Variants in SEMA6A observed in about 807,000 individuals in gnomAD.
SEMA6A encodes semaphorin-6A.
SEMA6A carries 25 observed loss-of-function variants against 96.8 expected under a neutral mutation model. The observed-to-expected ratio is 0.26, with a 90% CI of 0.19 to 0.36. The LOEUF (loss-of-function observed/expected upper bound fraction) is 0.36. Among genes scored for constraint, SEMA6A ranks in the 10% least tolerant of loss-of-function variants. The pLI is 1.00. For missense variants in SEMA6A, 1,363 were observed against 1,323.1 expected (o/e 1.03, Z -0.47); for synonymous variants, 612 against 518.0 (o/e 1.18, Z -2.46).
intron 1 of SEMA6A, among the ~76,000 whole-genome samples, chr5:116,557,387 T>G (rs926720236): frequency 3.9e-5 from 6 of 152,350 alleles, no homozygotes; most frequent in African/African-American, 7.2e-5. Context: ...AATTTTTGTA[T>G]TTTTAGTAGA....
chr5:116,514,084 G>C (rs1758551200), intron 1 of SEMA6A, among the ~76,000 whole-genome samples: 1 of 152,128 alleles, frequency 6.6e-6, no homozygotes, highest in African/African-American at 2.4e-5. Flanking sequence ...TAGCAGTGCT[G>C]CACTGAACAT....
chr5:116,528,346 C>CA (rs1232181608), intron 1 of SEMA6A, among the ~76,000 whole-genome samples: 1 of 152,072 alleles, frequency 6.6e-6, no homozygotes, highest in Non-Finnish European at 1.5e-5. Context: ...TACAATCCCA[C>CA]AGACCCCAGT....
chr5:116,533,535 A>G (rs111523468), intron 1 of SEMA6A, among the ~76,000 whole-genome samples: 3 of 152,314 alleles, frequency 2.0e-5, no homozygotes, highest in African/African-American at 7.2e-5. Context: ...AAATCTTTCC[A>G]AAGTATATCA....
intron 1 of SEMA6A, among the ~76,000 whole-genome samples, chr5:116,566,793 T>C (rs948520095): frequency 6.6e-6 from 1 of 152,224 alleles, no homozygotes; most frequent in African/African-American, 2.4e-5. Context: ...CAGCCAATTA[T>C]TTCCTACCTT....
chr5:116,552,784 A>G (rs1435803664), intron 1 of SEMA6A, among the ~76,000 whole-genome samples: 1 of 152,228 alleles, frequency 6.6e-6, no homozygotes, highest in African/African-American at 2.4e-5. Context: ...ATAATTTCAT[A>G]AGAGGTGCCA....
rs2112739995 is a variant in SEMA6A at position 116,493,772 on chromosome 5, G to C, written c.444+1641C>G. 2.0e-5 allele frequency among the ~76,000 whole-genome samples: 3 copies of C among 152,204 alleles called. 1 individual carries two copies. The highest frequency in any genetic ancestry group is 2.0e-4 in the Admixed American group (3 of 15,286). ...GCTTTTCTCATTCTTCCCACTCCTA[G>C]GGTTTCACTTTATGATGATGAAACC... On this transcript the variant is annotated intron_variant, in intron 6 of 18. Transcript: ENST00000343348.
At chr5:116,477,278 C>T (rs1215078480) in intron 15 of SEMA6A, among the ~76,000 whole-genome samples, 3 of 151,978 alleles carry the variant, frequency 2.0e-5, no homozygotes, top group Non-Finnish European at 4.4e-5. Flanking sequence ...GCATGGTGGA[C>T]TGGCCTCATC....
chr5:116,489,657 G>A (rs56170797), intron 7 of SEMA6A, among the ~76,000 whole-genome samples: 24,157 of 152,174 alleles, frequency 0.16, 3,506 homozygotes, highest in African/African-American at 0.39. Context: ...CCGAAACACA[G>A]CTTGGCTAAA....
intron 3 of SEMA6A, among the ~76,000 whole-genome samples, chr5:116,501,359 C>T (rs965264446): frequency 2.6e-5 from 4 of 152,282 alleles, no homozygotes; most frequent in African/African-American, 9.6e-5. Flanking sequence ...AGACATCAGC[C>T]TGTCTGTCTA....
rs566749337 is a variant in SEMA6A at position 116,558,575 on chromosome 5, G to A, written c.-39+15610C>T. Among the ~76,000 whole-genome samples, 14 of 50,090 alleles carry A rather than the reference G, an allele frequency of 2.8e-4. 5 individuals carry two copies. The South Asian group carries it at 7.0e-3, about 25-fold the overall frequency. 32.9% of individuals were successfully genotyped at this position (50,090 alleles called of 152,430 possible). ...CTTCCCGGGTTCACGCCATTCTCCTGCCTCAGCCTCCCGAGTAGCTGGGAC... is the reference window on the plus strand; with the variant it reads ...CTTCCCGGGTTCACGCCATTCTCCTACCTCAGCCTCCCGAGTAGCTGGGAC... On this transcript the variant is annotated intron_variant, in intron 1 of 18. Transcript: ENST00000343348.
At chr5:116,536,866 T>TTAAAAAAAAA (rs1561524239) in intron 1 of SEMA6A, among the ~76,000 whole-genome samples, 1 of 69,480 alleles carries the variant, frequency 1.4e-5, no homozygotes, top group Non-Finnish European at 2.9e-5. Context: ...TGTGATTTCT[T>TTAAAAAAAAA]AAAAAAAAAA....
chr5:116,571,875 GGTATAAAAAAGTGTAGA>G (rs1761228876), intron 1 of SEMA6A, among the ~76,000 whole-genome samples: 1 of 152,066 alleles, frequency 6.6e-6, no homozygotes, highest in South Asian at 2.1e-4. Flanking sequence ...ATTTGGGTAC[GGTATAAAAAAGTGTAGA>G]GTATTTTTAG....
intron 2 of SEMA6A, 121 bp from the exon 3 acceptor site, chr5:116,502,448 A>G: frequency 1.4e-6 from 1 of 728,506 alleles, no homozygotes; most frequent in Non-Finnish European, 2.4e-6. Flanking sequence ...CCATGCCACC[A>G]TTTTCCATTT....
intron 2 of SEMA6A, 67 bp from the exon 3 acceptor site, chr5:116,502,394 G>A: frequency 7.3e-7 from 1 of 1,370,700 alleles, no homozygotes; most frequent in Non-Finnish European, 1.0e-6. Context: ...AGGGTAGGGA[G>A]GGGAGGGAGA....
intron 1 of SEMA6A, among the ~76,000 whole-genome samples, chr5:116,529,471 T>C (rs55759705): frequency 0.025 from 3,856 of 152,272 alleles, 160 homozygotes; most frequent in African/African-American, 0.088. Flanking sequence ...ATTTGATCCT[T>C]ACACGTTGTA....
At chr5:116,545,733 T>C (rs10077439) in intron 1 of SEMA6A, among the ~76,000 whole-genome samples, 32,718 of 152,192 alleles carry the variant, frequency 0.21, 3,824 homozygotes, top group Middle Eastern at 0.34. Flanking sequence ...ACATTTCTAA[T>C]ACCACCTAGT....
rs544262501 is a variant in SEMA6A at position 116,520,606 on chromosome 5, C to T, written c.-38-15624G>A. On this transcript the variant is annotated intron_variant, in intron 1 of 18. Transcript: ENST00000343348. ...CTAGAGGACAGTTGTGAGGGTAGAC[C>T]TAAGATCAATGGGTAGAAACTATAA... Among the ~76,000 whole-genome samples, 13 of 152,126 alleles carry T rather than the reference C, an allele frequency of 8.5e-5. No homozygotes were observed. The South Asian group carries it at 2.7e-3, about 32-fold the overall frequency.
chr5:116,466,237 G>A (rs1755743597), intron 18 of SEMA6A, among the ~76,000 whole-genome samples: 1 of 151,766 alleles, frequency 6.6e-6, no homozygotes, highest in Non-Finnish European at 1.5e-5. Context: ...AATTAGCCGG[G>A]CATGGTGGCG....
intron 11 of SEMA6A, among the ~76,000 whole-genome samples, chr5:116,481,700 A>G (rs1356389450): frequency 6.6e-6 from 1 of 152,170 alleles, no homozygotes; most frequent in Non-Finnish European, 1.5e-5. Context: ...TGGAGGTGTG[A>G]GTGCGTGCCA....
Sources: gnomAD v4.1 joint callset for allele counts (sites outside exome capture counted in the v4.1 genomes callset) on GRCh38, gnomAD v4.1.1 for gene constraint, MANE v1.5 for transcripts, NCBI Gene and HGNC (gene_info 2026-07-23, HGNC 2026-07-21) for gene names.